LRRIQ1: variants seen among roughly 807,000 people sequenced by gnomAD.
The protein encoded by LRRIQ1 is leucine-rich repeat- and IQ domain-containing protein 1.
Under a neutral mutation model 211.9 loss-of-function variants are expected in LRRIQ1, and 210 were observed. The ratio of observed to expected loss-of-function variants is 0.99; its 90% CI spans 0.89 to 1.11. LRRIQ1 has a LOEUF of 1.11. Ranked by LOEUF, LRRIQ1 falls within the 50% of genes most tolerant of loss-of-function variation. The pLI, the probability that LRRIQ1 is intolerant of heterozygous loss-of-function variation, is 0.00. For synonymous variants in LRRIQ1, 699 were observed against 650.1 expected (o/e 1.08, Z -1.14); for missense variants, 2,136 against 1,939.5 (o/e 1.10, Z -1.90).
At chr12:85,128,625 C>A (rs901652246) in intron 18 of LRRIQ1, among the ~76,000 whole-genome samples, 1 of 152,032 alleles carries the variant, frequency 6.6e-6, no homozygotes, top group African/African-American at 2.4e-5. Context: ...AACTTCTCAT[C>A]AAGTATGTCA....
intron 26 of LRRIQ1, among the ~76,000 whole-genome samples, chr12:85,235,276 T>C (rs1401472718): frequency 6.6e-6 from 1 of 152,174 alleles, no homozygotes; most frequent in Non-Finnish European, 1.5e-5. Flanking sequence ...ATGGATCCCC[T>C]CAAACTCTGG....
At chr12:85,050,030 C>G (rs956245565) in intron 6 of LRRIQ1, among the ~76,000 whole-genome samples, 3 of 152,128 alleles carry the variant, frequency 2.0e-5, no homozygotes, top group African/African-American at 7.2e-5. Flanking sequence ...AAAGAAAATG[C>G]CTGACACTGG....
At chr12:85,069,567 A>C (rs1882843810) in intron 10 of LRRIQ1, among the ~76,000 whole-genome samples, 1 of 151,938 alleles carries the variant, frequency 6.6e-6, no homozygotes, top group Non-Finnish European at 1.5e-5. Context: ...ACAGTGTAAA[A>C]GTGTTCCTAT....
chr12:85,106,438 A>G, intron 14 of LRRIQ1, 84 bp from the exon 15 acceptor site: 1 of 929,412 alleles, frequency 1.1e-6, no homozygotes, highest in Non-Finnish European at 1.7e-6. Flanking sequence ...TTAATAGCAA[A>G]CCAGTAAATA....
At chr12:85,102,959 A>AATATATATATATATATATAT (rs1197049295) in intron 13 of LRRIQ1, among the ~76,000 whole-genome samples, 4 of 108,466 alleles carry the variant, frequency 3.7e-5, no homozygotes, top group Admixed American at 1.9e-4. Flanking sequence ...AAAAAAAAAA[A>AATATATATATATATATATAT]ATATATATAT....
intron 26 of LRRIQ1, among the ~76,000 whole-genome samples, chr12:85,237,711 C>T (rs1030258043): frequency 1.3e-5 from 2 of 152,078 alleles, no homozygotes; most frequent in Non-Finnish European, 2.9e-5. Flanking sequence ...AAAAACTCCT[C>T]TAGATCCACA....
Position 85,067,787 on chromosome 12 carries a change from T to C in LRRIQ1, c.2695+889T>C, listed in dbSNP as rs567777836. Among the ~76,000 whole-genome samples, 7 of 151,958 alleles carry C rather than the reference T, an allele frequency of 4.6e-5. No homozygotes were observed. In the South Asian group the frequency reaches 1.5e-3, roughly 32 times the overall value. On this transcript the variant is annotated intron_variant, in intron 10 of 26. Coordinates refer to ENST00000393217, the MANE Select transcript of LRRIQ1 (RefSeq NM_001079910.2). ...CTATTGCTGTGTCCTTTCTCTCACA[T>C]TTCTAAATGAAATTAAAACAAAAGA...
intron 24 of LRRIQ1, among the ~76,000 whole-genome samples, chr12:85,202,559 C>T (rs1893349443): frequency 6.6e-6 from 1 of 152,110 alleles, no homozygotes; most frequent in Admixed American, 6.6e-5. Context: ...CCTTCTTGGT[C>T]TTTCCTGGTT....
Position 85,056,401 on chromosome 12 carries a change from A to G in LRRIQ1, c.1608A>G (p.Lys536=). 1 of 1,588,424 alleles carries G rather than the reference A, an allele frequency of 6.3e-7. No individual in the cohort carries two copies. The highest frequency in any genetic ancestry group is 1.2e-5 in the South Asian group (1 of 84,510). The part of the protein sequence containing the change: ...PLQELKSDAQ[K]EEKIMKHVIN... Reference sequence around the variant, plus strand: ...AAGAATTAAAGTCTGATGCACAAAAAGAAGAAAAAATCATGAAACATGTCA... The same window carrying G: ...AAGAATTAAAGTCTGATGCACAAAAGGAAGAAAAAATCATGAAACATGTCA... The change falls in exon 8 of 27, where the codon AAA becomes AAG. Residue 536 remains lysine (K), a synonymous_variant. Transcript: ENST00000393217.
At position 85,154,007 on chromosome 12, in the gene LRRIQ1, A is replaced by C. The variant is rs768755326; in HGVS notation, c.4638-5A>C. The C allele has an allele frequency of 1.3e-6, 2 of 1,532,756 alleles. No individual in the cohort carries two copies. Among genetic ancestry groups the C allele is most frequent in the Non-Finnish European group, 1.8e-6 (2 of 1,140,294 alleles). 94.9% of individuals were successfully genotyped at this position (1,532,756 alleles called of 1,614,324 possible). A position where few individuals can be genotyped will look rare whatever the true frequency, so the allele number is the denominator to read the frequency against. On this transcript the variant is annotated splice_region_variant and splice_polypyrimidine_tract_variant and intron_variant, in intron 22 of 26. Coordinates refer to ENST00000393217, the MANE Select transcript of LRRIQ1 (RefSeq NM_001079910.2). ...TTACCTTTATTATATTTAATCTTTT[A>C]ATAGGGGCTTTAAGGATATTTCTAC...
chr12:85,219,462 T>G (rs1894299609), intron 24 of LRRIQ1, among the ~76,000 whole-genome samples: 1 of 152,144 alleles, frequency 6.6e-6, no homozygotes, highest in Non-Finnish European at 1.5e-5. Context: ...ATTTAATAAC[T>G]AATTTTATTT....
chr12:85,246,953 A>G (rs1895738872), downstream of LRRIQ1, among the ~76,000 whole-genome samples: 1 of 151,474 alleles, frequency 6.6e-6, no homozygotes, highest in South Asian at 2.1e-4. Flanking sequence ...TAGGAATGAT[A>G]ATAGAAGCAC....
intron 24 of LRRIQ1, among the ~76,000 whole-genome samples, chr12:85,187,691 C>A (rs766692665): frequency 6.6e-6 from 1 of 151,728 alleles, no homozygotes; most frequent in Non-Finnish European, 1.5e-5. Context: ...TGCCTGTAAT[C>A]CCAGCTACCC....
At chr12:85,212,669 G>A (rs1053026330) in intron 24 of LRRIQ1, among the ~76,000 whole-genome samples, 17 of 150,790 alleles carry the variant, frequency 1.1e-4, no homozygotes, top group African/African-American at 3.4e-4. Flanking sequence ...GAGAAAAATG[G>A]TTACTTTTAG....
chr12:85,271,043 C>T, the LRRIQ1 span, among the ~76,000 whole-genome samples: 1 of 152,154 alleles, frequency 6.6e-6, no homozygotes, highest in African/African-American at 2.4e-5. Flanking sequence ...CACTCGTGTT[C>T]TAAGTTTAGT....
At chr12:85,114,137 T>G (rs1887394566) in intron 15 of LRRIQ1, among the ~76,000 whole-genome samples, 1 of 151,972 alleles carries the variant, frequency 6.6e-6, no homozygotes, top group Non-Finnish European at 1.5e-5. Flanking sequence ...AGCTGGATCT[T>G]AAAGTGAAAC....
intron 24 of LRRIQ1, among the ~76,000 whole-genome samples, chr12:85,207,365 T>G (rs1029787158): frequency 6.6e-6 from 1 of 152,176 alleles, no homozygotes. Context: ...TTGGCCATCA[T>G]GTGTCCTGAA....
At chr12:85,081,668 G>C (rs1592756983) in intron 11 of LRRIQ1, among the ~76,000 whole-genome samples, 1 of 148,326 alleles carries the variant, frequency 6.7e-6, no homozygotes, top group South Asian at 2.1e-4. Context: ...TTTTTATAAA[G>C]TTTAATTATA....
intron 14 of LRRIQ1, among the ~76,000 whole-genome samples, chr12:85,105,595 G>GTTGAACATTGTAGATAATTCTACA: frequency 6.6e-6 from 1 of 151,994 alleles, no homozygotes; most frequent in East Asian, 1.9e-4. Context: ...TTAACTATTT[G>GTTGAACATTGTAGATAATTCTACA]TTGAACATTG....
Sources: allele counts gnomAD v4.1 joint callset (sites outside exome capture counted in the v4.1 genomes callset), GRCh38; gene constraint gnomAD v4.1.1; transcripts MANE v1.5; gene names NCBI Gene and HGNC (gene_info 2026-07-23, HGNC 2026-07-21).